IFT122: variants seen among roughly 807,000 people sequenced by gnomAD.
The protein encoded by IFT122 is intraflagellar transport protein 122 homolog.
Under a neutral mutation model 161.6 loss-of-function variants are expected in IFT122, and 118 were observed. The observed-to-expected ratio is 0.73, with a 90% CI of 0.63 to 0.85. The LOEUF is 0.85. IFT122 is among the 40% of genes least tolerant of loss of function. IFT122 has a pLI of 0.00. For synonymous variants in IFT122, 550 were observed against 602.4 expected (o/e 0.91, Z 1.27); for missense variants, 1,381 against 1,579.6 (o/e 0.87, Z 2.13).
chr3:129,461,321 G>A lies in IFT122; in HGVS notation c.349+17G>A. 6.3e-7 allele frequency: 1 copy of A among 1,580,120 alleles called. No individual in the cohort carries two copies. The highest frequency in any genetic ancestry group is 8.7e-7 in the Non-Finnish European group (1 of 1,148,952). On this transcript the variant is annotated intron_variant, in intron 5 of 29. Transcript: ENST00000348417. ...GTGACTTTGGTACGTTCTGATTCCT[G>A]ATGTCCTGTCCTGGAATAACTGAAA...
At chr3:129,506,987 G>A (rs1469312354) in intron 22 of IFT122, among the ~76,000 whole-genome samples, 1 of 152,214 alleles carries the variant, frequency 6.6e-6, no homozygotes, top group Non-Finnish European at 1.5e-5. Context: ...ATGTACTGAA[G>A]GAGTAGTGGA....
At chr3:129,452,092 G>C (rs2107931257) in intron 3 of IFT122, 94 bp downstream of exon 3, 3 of 976,080 alleles carry the variant, frequency 3.1e-6, no homozygotes, top group South Asian at 1.3e-5. Context: ...TAGTAAGCTG[G>C]AGTACAAGTT....
At chr3:129,470,235 ATTTT>A (rs2077220449) in intron 9 of IFT122, among the ~76,000 whole-genome samples, 1 of 149,328 alleles carries the variant, frequency 6.7e-6, no homozygotes, top group South Asian at 2.2e-4. Context: ...TGGGGGTATG[ATTTT>A]TTATTTATTT....
At chr3:129,472,330 A>G (rs1221937336) in intron 9 of IFT122, among the ~76,000 whole-genome samples, 1 of 151,868 alleles carries the variant, frequency 6.6e-6, no homozygotes, top group Non-Finnish European at 1.5e-5. Flanking sequence ...ATTAAAAAAA[A>G]AAATTTTTTT....
Position 129,440,364 on chromosome 3 carries a change from G to C in IFT122, c.34G>C (p.Glu12Gln). The C allele has an allele frequency of 1.3e-6, 2 of 1,550,782 alleles. No individual in the cohort carries two copies. The highest frequency in any genetic ancestry group is 2.4e-5 in the South Asian group (2 of 83,998). ...RAVLTWRDKA[E>Q]HCINDIAFKP... ...CGTGTTGACGTGGAGAGATAAAGCC[G>C]AGCACTGGTGAGGAGCGGGGCGGTT... The change falls in exon 1 of 30, where the codon GAG becomes CAG. Residue 12 changes from glutamate to glutamine, a missense_variant. This residue lies in a region of IFT122 where 134 missense variants were observed against 137.4 expected (regional missense o/e 0.98). Transcript: ENST00000348417.
At chr3:129,448,623 A>G (rs1272926828) in intron 1 of IFT122, among the ~76,000 whole-genome samples, 2 of 152,158 alleles carry the variant, frequency 1.3e-5, no homozygotes, top group Non-Finnish European at 2.9e-5. Flanking sequence ...GCCCCCAGGT[A>G]GCCTTTTTCT....
In IFT122 at chr3:129,506,505, A is replaced by G. The variant is rs764393609; in HGVS notation, c.2747A>G (p.Tyr916Cys). ...VAESRFNDAAYYYWMLSMQCL... is the reference protein window; with the variant it reads ...VAESRFNDAACYYWMLSMQCL... ...GAGAGCAGGTTTAATGATGCTGCCT[A>G]TTATTACTGGATGCTGTCCATGCAG... is the stretch of plus-strand genomic sequence containing the variant. Residue 916 changes from tyrosine to cysteine, a missense_variant, in exon 22 of 30, where the codon TAT (tyrosine) becomes TGT (cysteine). Tyr to Cys is a radical substitution (Grantham distance 194, BLOSUM62 -2). Coordinates refer to ENST00000348417, the MANE Select transcript of IFT122 (RefSeq NM_052989.3). 8.7e-6 allele frequency: 14 copies of G among 1,614,256 alleles called. No homozygotes were observed. The South Asian group carries it at 1.1e-4, about 13-fold the overall frequency.
At chr3:129,490,607 C>T (rs1011656033) in intron 16 of IFT122, among the ~76,000 whole-genome samples, 1 of 152,216 alleles carries the variant, frequency 6.6e-6, no homozygotes, top group African/African-American at 2.4e-5. Context: ...GAGAGGGTGT[C>T]AGTAGCAGGC....
rs777842411 is a variant in IFT122 at position 129,451,879 on chromosome 3, T to C, written c.109-35T>C. On this transcript the variant is annotated intron_variant, in intron 2 of 29. Transcript: ENST00000348417. ...CTGCAGGAATTCTGACTAATAGATA[T>C]CACATAGATAATCTGTATTTGTCTC... 5.9e-6 allele frequency: 9 copies of C among 1,533,446 alleles called. No individual in the cohort carries two copies. The Admixed American group carries it at 6.7e-5, about 11-fold the overall frequency. 95.0% of individuals were successfully genotyped at this position (1,533,446 alleles called of 1,614,324 possible).
At position 129,461,115 on chromosome 3, in the gene IFT122, A is replaced by G. The variant is rs1384515574; in HGVS notation, c.273-113A>G. The G allele has an allele frequency of 1.1e-5, 11 of 979,520 alleles. No homozygotes were observed. In the Admixed American group the frequency reaches 2.0e-4, roughly 18 times the overall value. 60.7% of individuals were successfully genotyped at this position (979,520 alleles called of 1,614,324 possible). On this transcript the variant is annotated intron_variant, in intron 4 of 29. Coordinates refer to ENST00000348417, the MANE Select transcript of IFT122 (RefSeq NM_052989.3). Reference sequence around the variant, plus strand: ...GTGCTTTTTGTTGGTCACTTGCAGAAGAGCATGTGGTCTAAAGTCAGAGGC... The same window carrying G: ...GTGCTTTTTGTTGGTCACTTGCAGAGGAGCATGTGGTCTAAAGTCAGAGGC...
Position 129,476,815 on chromosome 3 carries a change from C to G in IFT122, c.1147+14C>G, listed in dbSNP as rs1300763204. On this transcript the variant is annotated intron_variant, in intron 11 of 29. Coordinates refer to ENST00000348417, the MANE Select transcript of IFT122 (RefSeq NM_052989.3). ...CTGAGCAGAAAGGTAAGAGGCAGGT[C>G]CAGACCTTGGGAAGAGGGACAGGTG... 1 of 1,613,852 alleles carries G rather than the reference C, an allele frequency of 6.2e-7. No homozygotes were observed. Among genetic ancestry groups the G allele is most frequent in the Non-Finnish European group, 8.5e-7 (1 of 1,180,028 alleles).
In IFT122 at chr3:129,514,449, G is replaced by A. The variant is rs1348792770; in HGVS notation, c.3048G>A (p.Arg1016=). ...CCCTCGGTGCCTACAGGCTGGCCCGGCACGCCTATGACAAGCTGCGTGGCC... is the reference window on the plus strand; with the variant it reads ...CCCTCGGTGCCTACAGGCTGGCCCGACACGCCTATGACAAGCTGCGTGGCC... ...SKALGAYRLA[R]HAYDKLRGLY... Residue 1016 remains arginine, a synonymous_variant, in exon 25 of 30, where the codon CGG becomes CGA. Transcript: ENST00000348417. 2 of 1,614,170 alleles carry A rather than the reference G, an allele frequency of 1.2e-6. No individual in the cohort carries two copies. The highest frequency in any genetic ancestry group is 1.1e-5 in the South Asian group (1 of 91,082).
At chr3:129,449,361 A>G (rs1379201869) in intron 1 of IFT122, among the ~76,000 whole-genome samples, 1 of 152,246 alleles carries the variant, frequency 6.6e-6, no homozygotes, top group Non-Finnish European at 1.5e-5. Context: ...AAAATGTGAA[A>G]AAAAAATGTA....
At chr3:129,518,934 C>T (rs555082088) in intron 27 of IFT122, among the ~76,000 whole-genome samples, 173 bp from the exon 28 acceptor site, 1 of 152,314 alleles carries the variant, frequency 6.6e-6, no homozygotes, top group Non-Finnish European at 1.5e-5. Flanking sequence ...GGCAGCAGGG[C>T]CAGCAGAGTC....
intron 28 of IFT122, 139 bp downstream of exon 28, chr3:129,519,325 G>A: frequency 1.0e-6 from 1 of 980,816 alleles, no homozygotes; most frequent in Admixed American, 1.9e-5. Context: ...GGAGGGGCAG[G>A]ACCCCTTCCT....
intron 16 of IFT122, 39 bp downstream of exon 16, chr3:129,488,436 G>A (rs970439693): frequency 6.2e-7 from 1 of 1,613,700 alleles, no homozygotes; most frequent in African/African-American, 1.3e-5. Flanking sequence ...TTTGGTCCTT[G>A]TGGGGTCCCT....
intron 8 of IFT122, 118 bp from the exon 9 acceptor site, chr3:129,469,224 G>A (rs1019353032): frequency 3.4e-6 from 3 of 873,344 alleles, no homozygotes; most frequent in Non-Finnish European, 3.9e-6. Context: ...CAGTAAAGCT[G>A]TACAACATTT....
chr3:129,508,365 A>C (rs2108595939), intron 23 of IFT122, among the ~76,000 whole-genome samples: 1 of 152,346 alleles, frequency 6.6e-6, no homozygotes, highest in South Asian at 2.1e-4. Context: ...ATCACCCAAC[A>C]GATGTTGAGC....
At chr3:129,470,142 T>C (rs555630826) in intron 9 of IFT122, among the ~76,000 whole-genome samples, 1 of 152,186 alleles carries the variant, frequency 6.6e-6, no homozygotes, top group African/African-American at 2.4e-5. Context: ...AATGAAAATA[T>C]ATGACAGTTC....
Sources: gnomAD v4.1 joint callset for allele counts (sites outside exome capture counted in the v4.1 genomes callset) on GRCh38, gnomAD v4.1.1 for gene constraint, gnomAD v4.1.1 regional missense constraint, MANE v1.5 for transcripts, NCBI Gene and HGNC (gene_info 2026-07-23, HGNC 2026-07-21) for gene names.